KIAA1549: variants seen among roughly 807,000 people sequenced by gnomAD.
KIAA1549 encodes the protein UPF0606 protein KIAA1549.
A neutral mutation model predicts 156.4 loss-of-function variants in KIAA1549; 70 were observed. The observed-to-expected ratio is 0.45, with a 90% CI of 0.37 to 0.55. The LOEUF is 0.55. KIAA1549 is among the 20% of genes least tolerant of loss of function. KIAA1549 has a pLI of 0.00. For missense variants in KIAA1549, 2,428 were observed against 2,540.9 expected (o/e 0.96, Z 0.96); for synonymous variants, 1,103 against 1,066.4 (o/e 1.03, Z -0.67).
At chr7:138,841,974 C>G (rs1809934768) in intron 18 of KIAA1549, among the ~76,000 whole-genome samples, 1 of 152,038 alleles carries the variant, frequency 6.6e-6, no homozygotes, top group Non-Finnish European at 1.5e-5. Context: ...TGTCCTGGCT[C>G]TGGGCAGAGC....
intron 12 of KIAA1549, 61 bp from the exon 13 acceptor site, chr7:138,871,423 C>T (rs367613859): frequency 7.2e-7 from 1 of 1,384,998 alleles, no homozygotes; most frequent in South Asian, 1.5e-5. Context: ...AGCAACTAAT[C>T]AAAATTGTGA....
intron 1 of KIAA1549, among the ~76,000 whole-genome samples, chr7:138,921,090 A>G (rs771505570): frequency 4.6e-5 from 7 of 152,226 alleles, no homozygotes; most frequent in Non-Finnish European, 1.0e-4. Flanking sequence ...GAGATGAGGG[A>G]CAAGTGTTAG....
chr7:138,954,151 C>T (rs983769202), intron 1 of KIAA1549, among the ~76,000 whole-genome samples: 3 of 152,106 alleles, frequency 2.0e-5, no homozygotes, highest in Admixed American at 2.0e-4. Flanking sequence ...AATAAATATA[C>T]GATGGTAGAC....
intron 1 of KIAA1549, among the ~76,000 whole-genome samples, chr7:138,963,938 G>GT (rs1813933552): frequency 6.6e-6 from 1 of 152,198 alleles, no homozygotes; most frequent in Non-Finnish European, 1.5e-5. Context: ...ATGTCACTCA[G>GT]TATTAAGAAA....
At chr7:138,842,447 G>T (rs1584695645) in intron 18 of KIAA1549, among the ~76,000 whole-genome samples, 2 of 152,224 alleles carry the variant, frequency 1.3e-5, no homozygotes, top group African/African-American at 4.8e-5. Flanking sequence ...AGTACTTTGG[G>T]AGGCTGAGGC....
chr7:138,879,225 G>T (rs1434327126), intron 12 of KIAA1549, among the ~76,000 whole-genome samples: 1 of 152,130 alleles, frequency 6.6e-6, no homozygotes, highest in South Asian at 2.1e-4. Context: ...TGAATCCTGG[G>T]GGCAGTTTTT....
intron 11 of KIAA1549, 124 bp downstream of exon 11, chr7:138,881,264 C>T (rs1811233139): frequency 2.2e-6 from 2 of 917,404 alleles, no homozygotes; most frequent in East Asian, 2.6e-5. Context: ...GGCAAGTCAT[C>T]AGTCTGCTGG....
chr7:138,881,755 G>A (rs1279788443), intron 10 of KIAA1549, among the ~76,000 whole-genome samples, 171 bp from the exon 11 acceptor site: 1 of 152,226 alleles, frequency 6.6e-6, no homozygotes, highest in Non-Finnish European at 1.5e-5. Context: ...AGTTCCAGGA[G>A]AAGACAGGCA....
intron 18 of KIAA1549, among the ~76,000 whole-genome samples, 184 bp downstream of exon 18, chr7:138,844,133 A>G (rs1810000501): frequency 6.6e-6 from 1 of 152,204 alleles, no homozygotes; most frequent in South Asian, 2.1e-4. Flanking sequence ...CAATCAGCAG[A>G]CAGCAGCTTT....
At chr7:138,945,955 A>T (rs184129835) in intron 1 of KIAA1549, among the ~76,000 whole-genome samples, 1 of 152,228 alleles carries the variant, frequency 6.6e-6, no homozygotes, top group Admixed American at 6.5e-5. Context: ...AATTGAGGCC[A>T]ACAGGAAGCT....
intron 10 of KIAA1549, among the ~76,000 whole-genome samples, chr7:138,890,386 G>A (rs758259349): frequency 7.2e-5 from 11 of 152,248 alleles, no homozygotes; most frequent in African/African-American, 9.6e-5. Flanking sequence ...ATCATGTAGC[G>A]AGTGCCATTG....
chr7:138,898,578 C>T (rs1046317726), intron 9 of KIAA1549, among the ~76,000 whole-genome samples: 4 of 152,108 alleles, frequency 2.6e-5, no homozygotes, highest in Admixed American at 2.6e-4. Context: ...TCACTGTCCC[C>T]GCCAATGTTC....
chr7:138,920,401 G>A (rs988844414), intron 1 of KIAA1549, among the ~76,000 whole-genome samples: 2 of 152,154 alleles, frequency 1.3e-5, no homozygotes, highest in African/African-American at 4.8e-5. Flanking sequence ...GACAGGCATT[G>A]TTTACCTGTC....
Position 138,981,132 on chromosome 7 carries a change from A to T in KIAA1549, c.138T>A (p.Leu46=). The T allele has an allele frequency of 1.6e-6, 2 of 1,219,938 alleles. No homozygotes were observed. The allele number at this position is 1,219,938 out of a possible 1,614,324, so 75.6% of individuals were successfully genotyped here. A position where few individuals can be genotyped will look rare whatever the true frequency, so the allele number is the denominator to read the frequency against. Residue 46 remains leucine (L), a synonymous_variant, in exon 1 of 20, where the codon CTT becomes CTA. Coordinates refer to ENST00000422774, the MANE Select transcript of KIAA1549 (RefSeq NM_001164665.2). This position sits in a 1 kb window ranked among gnomAD's most constrained non-coding sequence, Gnocchi z 4.5. The part of the protein sequence containing the change: ...CARRRRPGLL[L]PGLWLLLLAR... ...CCAGCAGCAGCAGCCAGAGGCCAGG[A>T]AGCAGCAGCCCCGGGCGGCGGCGGC...
chr7:138,919,952 C>G (rs748820127), intron 1 of KIAA1549, among the ~76,000 whole-genome samples: 46 of 152,270 alleles, frequency 3.0e-4, no homozygotes, highest in Middle Eastern at 3.4e-3. Flanking sequence ...CTCTCACTAC[C>G]CAAGTAAGAG....
chr7:138,962,336 A>C (rs1813879019), intron 1 of KIAA1549, among the ~76,000 whole-genome samples: 1 of 152,108 alleles, frequency 6.6e-6, no homozygotes, highest in Non-Finnish European at 1.5e-5. Context: ...GGTAGCTGCT[A>C]ATCTCCAAAG....
intron 1 of KIAA1549, among the ~76,000 whole-genome samples, chr7:138,924,899 T>C (rs1812669457): frequency 6.6e-6 from 1 of 151,726 alleles, no homozygotes; most frequent in Non-Finnish European, 1.5e-5. Flanking sequence ...AGGAAAGGGG[T>C]TGGGGTGAGA....
chr7:138,911,272 C>A lies in KIAA1549; in HGVS notation c.3019G>T (p.Val1007Phe). Reference protein sequence around the residue: ...FTFLVTSGPFVYTAISVINVL... With the variant: ...FTFLVTSGPFFYTAISVINVL... The stretch of plus-strand genomic sequence containing the variant: ...TTTATGACGGATATTGCCGTGTAAA[C>A]GAAAGGACCGGATGTTACCAGAAAA... Residue 1007 changes from valine to phenylalanine, a missense_variant, in exon 4 of 20, where the codon GTT (valine) becomes TTT (phenylalanine). This residue lies in a region of KIAA1549 where 762 missense variants were observed against 901.6 expected (regional missense o/e 0.85). Transcript: ENST00000422774. The A allele has an allele frequency of 6.2e-7, 1 of 1,603,508 alleles. No individual in the cohort carries two copies. Among genetic ancestry groups the A allele is most frequent in the Non-Finnish European group, 8.5e-7 (1 of 1,174,598 alleles).
At chr7:138,975,769 T>C (rs532241449) in intron 1 of KIAA1549, among the ~76,000 whole-genome samples, 1 of 152,348 alleles carries the variant, frequency 6.6e-6, no homozygotes, top group South Asian at 2.1e-4. Flanking sequence ...GTTAGAACAG[T>C]GTCTTCCTAT....
Sources: allele counts gnomAD v4.1 joint callset (sites outside exome capture counted in the v4.1 genomes callset), GRCh38; gene constraint gnomAD v4.1.1; regional missense constraint gnomAD v4.1.1; non-coding constraint Gnocchi (gnomAD v3.1); transcripts MANE v1.5; gene names NCBI Gene and HGNC (gene_info 2026-07-23, HGNC 2026-07-21).